The following TYW1 variants were observed in gnomAD, a reference collection of about 807,000 sequenced individuals.
The protein encoded by TYW1 is tRNA-yW synthesizing protein 1 homolog.
A neutral mutation model predicts 96.2 loss-of-function variants in TYW1; 46 were observed. The observed-to-expected ratio is 0.48, with a 90% CI of 0.38 to 0.61. The LOEUF is 0.61. Among genes scored for constraint, TYW1 ranks in the 20% least tolerant of loss-of-function variants. The pLI is 0.00. For synonymous variants in TYW1, 274 were observed against 323.0 expected, an observed-to-expected ratio of 0.85 and a Z score of 1.63; for missense variants, 684 against 909.6, an observed-to-expected ratio of 0.75 and a Z score of 3.19.
intron 15 of TYW1, among the ~76,000 whole-genome samples, chr7:67,226,277 A>G (rs1220890763): frequency 1.3e-5 from 2 of 152,148 alleles, no homozygotes; most frequent in Non-Finnish European, 2.9e-5. Context: ...TAGGGACCCG[A>G]TGGCCTTTGT....
At chr7:67,206,417 G>A (rs1800799664) in intron 15 of TYW1, among the ~76,000 whole-genome samples, 1 of 152,026 alleles carries the variant, frequency 6.6e-6, no homozygotes, top group African/African-American at 2.4e-5. Flanking sequence ...GATCACCTTA[G>A]GTCAGGAGTT....
At chr7:67,128,690 G>GT (rs59475781) in intron 13 of TYW1, among the ~76,000 whole-genome samples, 11,326 of 136,906 alleles carry the variant, frequency 0.083, 580 homozygotes, top group Middle Eastern at 0.19. Flanking sequence ...AGGTCTCAGT[G>GT]TTTTTTTTTT....
At chr7:67,197,450 C>T (rs180733565) in intron 15 of TYW1, among the ~76,000 whole-genome samples, 20 of 152,174 alleles carry the variant, frequency 1.3e-4, no homozygotes, top group African/African-American at 4.6e-4. Flanking sequence ...CTTAGCCGCC[C>T]GAGTAGCTGG....
At chr7:67,091,582 T>C (rs946492334) in intron 11 of TYW1, among the ~76,000 whole-genome samples, 2 of 152,162 alleles carry the variant, frequency 1.3e-5, no homozygotes, top group Non-Finnish European at 2.9e-5. Context: ...AAAAGAAATT[T>C]AGAGGCTGTT....
At position 66,997,084 on chromosome 7, in the gene TYW1, G is replaced by A; in HGVS notation, c.4+102G>A. 3.2e-6 allele frequency: 5 copies of A among 1,581,462 alleles called. No individual in the cohort carries two copies. The South Asian group carries it at 5.7e-5, about 18-fold the overall frequency. On this transcript the variant is annotated intron_variant, in intron 1 of 15. Coordinates refer to ENST00000359626, the MANE Select transcript of TYW1 (RefSeq NM_018264.4). ...GTGGCGTCCTCGGTCCCTTTCCTTCGGAGACTGTTGCACTTGACAGCACCG... is the reference window on the plus strand; with the variant it reads ...GTGGCGTCCTCGGTCCCTTTCCTTCAGAGACTGTTGCACTTGACAGCACCG...
chr7:67,018,140 C>G lies in TYW1; in HGVS notation c.858C>G (p.Thr286=). Reference sequence around the variant, plus strand: ...AGGATGAATTGCATCATAGAGACACCGAGGTATACCGCCTGTGTGTTCATC... The same window carrying G: ...AGGATGAATTGCATCATAGAGACACGGAGGTATACCGCCTGTGTGTTCATC... The part of the protein sequence containing the change: ...HEQDELHHRD[T]EEEEPFESSS... Residue 286 remains threonine (T), a synonymous_variant, in exon 6 of 16, where the codon ACC becomes ACG. Transcript: ENST00000359626. 6.2e-7 allele frequency: 1 copy of G among 1,611,778 alleles called. No homozygotes were observed.
chr7:67,025,055 T>C, intron 7 of TYW1, 33 bp downstream of exon 7: 1 of 1,612,786 alleles, frequency 6.2e-7, no homozygotes, highest in Non-Finnish European at 8.5e-7. Context: ...TGCACTTGGC[T>C]CCCGCAGTTG....
chr7:67,080,537 C>T (rs1259968884), intron 10 of TYW1, among the ~76,000 whole-genome samples: 1 of 151,966 alleles, frequency 6.6e-6, no homozygotes, highest in Non-Finnish European at 1.5e-5. Flanking sequence ...TCTTGAGTAG[C>T]TGGGATTGCC....
At chr7:67,023,751 G>C (rs1221294863) in intron 6 of TYW1, among the ~76,000 whole-genome samples, 1 of 152,104 alleles carries the variant, frequency 6.6e-6, no homozygotes, top group Non-Finnish European at 1.5e-5. Context: ...CTGGGTGACA[G>C]AGCAAGACTC....
At chr7:67,068,413 G>A (rs1795935938) in intron 10 of TYW1, among the ~76,000 whole-genome samples, 1 of 152,196 alleles carries the variant, frequency 6.6e-6, no homozygotes, top group South Asian at 2.1e-4. Flanking sequence ...AGCTCATGTT[G>A]TTGTGGTCAC....
At chr7:67,016,980 A>ATTTTTTTTTTTTTTTTTTTTT in intron 5 of TYW1, among the ~76,000 whole-genome samples, 1 of 121,766 alleles carries the variant, frequency 8.2e-6, no homozygotes, top group African/African-American at 3.1e-5. Context: ...AGATATGTAA[A>ATTTTTTTTTTTTTTTTTTTTT]TTTTTTTTTT....
intron 14 of TYW1, among the ~76,000 whole-genome samples, chr7:67,186,986 T>C (rs1210409822): frequency 6.6e-6 from 1 of 151,608 alleles, no homozygotes; most frequent in Admixed American, 6.6e-5. Flanking sequence ...TCTATAAAAG[T>C]AAAATGACCT....
intron 13 of TYW1, 142 bp downstream of exon 13, chr7:67,117,760 C>G (rs1490987640): frequency 7.8e-7 from 1 of 1,278,658 alleles, no homozygotes; most frequent in Non-Finnish European, 1.0e-6. Context: ...ATATAACTTT[C>G]AACTTTTTAG....
At chr7:67,216,221 AT>A (rs1563075498) in intron 15 of TYW1, among the ~76,000 whole-genome samples, 1 of 146,838 alleles carries the variant, frequency 6.8e-6, no homozygotes, top group Admixed American at 6.9e-5. Flanking sequence ...TCTATAGATA[AT>A]TTTTTTCTTT....
rs1377110520 is a variant in TYW1, at chr7:67,133,007, G to A, written c.1698+15389G>A. ...TGGAAGTTGCTGGATCATAGGATAT[G>A]TACATCTTAAACTTGAACTTGATTA... On this transcript the variant is annotated intron_variant, in intron 13 of 15. Coordinates refer to ENST00000359626, the MANE Select transcript of TYW1 (RefSeq NM_018264.4). Among the ~76,000 whole-genome samples the A allele has an allele frequency of 2.6e-5, 4 of 152,230 alleles. No individual in the cohort carries two copies. The East Asian group carries it at 7.7e-4, about 29-fold the overall frequency.
intron 7 of TYW1, among the ~76,000 whole-genome samples, chr7:67,044,153 C>T (rs1277284650): frequency 7.8e-6 from 1 of 128,742 alleles, no homozygotes; most frequent in Non-Finnish European, 1.6e-5. Context: ...TGCTTTGTTG[C>T]CCAGGTGTGA....
At chr7:67,194,945 G>A (rs1387930959) in intron 14 of TYW1, among the ~76,000 whole-genome samples, 1 of 145,442 alleles carries the variant, frequency 6.9e-6, no homozygotes, top group Non-Finnish European at 1.5e-5. Flanking sequence ...TTAAGCCCCA[G>A]CAATGTCATA....
intron 7 of TYW1, among the ~76,000 whole-genome samples, chr7:67,036,799 T>G (rs534629841): frequency 1.5e-4 from 23 of 152,360 alleles, no homozygotes; most frequent in African/African-American, 5.0e-4. Flanking sequence ...GAATAAACCA[T>G]GAACTGGTCA....
intron 9 of TYW1, among the ~76,000 whole-genome samples, chr7:67,058,892 T>C (rs1431588249): frequency 6.6e-6 from 1 of 152,082 alleles, no homozygotes; most frequent in African/African-American, 2.4e-5. Context: ...GGATATCCAG[T>C]TGTTTTGGCA....
Sources: allele counts gnomAD v4.1 joint callset (sites outside exome capture counted in the v4.1 genomes callset), GRCh38; gene constraint gnomAD v4.1.1; transcripts MANE v1.5; gene names NCBI Gene and HGNC (gene_info 2026-07-23, HGNC 2026-07-21).